The following ARB2A variants were observed in gnomAD, a reference collection of about 807,000 sequenced individuals.
The protein encoded by ARB2A is cotranscriptional regulator ARB2A.
At chr5:93,748,437 T>G in the ARB2A span, among the ~76,000 whole-genome samples, 1 of 151,984 alleles carries the variant, frequency 6.6e-6, no homozygotes, top group Non-Finnish European at 1.5e-5. Context: ...TGATAAGATA[T>G]GACTAGAATT....
At chr5:93,959,015 G>T in the ARB2A span, 2 of 1,266,600 alleles carry the variant, frequency 1.6e-6, no homozygotes, top group African/African-American at 1.5e-5. Context: ...TTCTGATCAG[G>T]CATACACATA....
the ARB2A span, among the ~76,000 whole-genome samples, chr5:94,037,451 CAAT>C: frequency 2.0e-5 from 3 of 152,038 alleles, no homozygotes. Context: ...ATTATAACAG[CAAT>C]AATAAATTAA....
chr5:93,844,397 TG>T, the ARB2A span, among the ~76,000 whole-genome samples: 3 of 151,814 alleles, frequency 2.0e-5, no homozygotes. Context: ...TGAGCTGAGA[TG>T]GGACCACTGC....
the ARB2A span, among the ~76,000 whole-genome samples, chr5:94,019,982 C>T: frequency 6.6e-6 from 1 of 152,154 alleles, no homozygotes; most frequent in Non-Finnish European, 1.5e-5. Flanking sequence ...TATTGCAGCA[C>T]TGTTCACAAT....
chr5:94,029,378 A>G, the ARB2A span, among the ~76,000 whole-genome samples: 1 of 152,162 alleles, frequency 6.6e-6, no homozygotes, highest in Non-Finnish European at 1.5e-5. Flanking sequence ...ATTTTTAATG[A>G]CATTTATGTT....
chr5:93,771,366 A>C, the ARB2A span, among the ~76,000 whole-genome samples: 2 of 151,754 alleles, frequency 1.3e-5, no homozygotes, highest in Admixed American at 6.6e-5. Flanking sequence ...AAGAAAACCT[A>C]GGCAATACCA....
the ARB2A span, among the ~76,000 whole-genome samples, chr5:93,837,360 AC>A: frequency 1.7e-3 from 255 of 152,286 alleles, no homozygotes; most frequent in Non-Finnish European, 2.7e-3. Context: ...TCTGCAGTCT[AC>A]CACTGATGAG....
chr5:94,062,654 G>T, the ARB2A span, among the ~76,000 whole-genome samples: 9 of 152,116 alleles, frequency 5.9e-5, no homozygotes, highest in Non-Finnish European at 1.2e-4. Flanking sequence ...CTCTAGAGAA[G>T]GAGCTCATGC....
chr5:93,813,124 G>A, the ARB2A span, among the ~76,000 whole-genome samples: 10 of 152,250 alleles, frequency 6.6e-5, no homozygotes, highest in East Asian at 9.7e-4. Context: ...AATAAATGTT[G>A]TTTAAGCCAC....
At chr5:93,748,895 A>G in the ARB2A span, among the ~76,000 whole-genome samples, 1 of 152,156 alleles carries the variant, frequency 6.6e-6, no homozygotes, top group Non-Finnish European at 1.5e-5. Context: ...TCTTTTCATC[A>G]TATCACTTAT....
chr5:94,106,477 A>C, the ARB2A span, among the ~76,000 whole-genome samples: 2 of 152,148 alleles, frequency 1.3e-5, no homozygotes, highest in Non-Finnish European at 2.9e-5. Context: ...AAAAAATAAC[A>C]GCTGCTGATG....
the ARB2A span, among the ~76,000 whole-genome samples, chr5:93,634,079 T>C: frequency 1.3e-5 from 2 of 152,102 alleles, no homozygotes; most frequent in Non-Finnish European, 2.9e-5. Flanking sequence ...CTACCTTATA[T>C]TGAAGTGTAT....
chr5:93,875,351 C>T, the ARB2A span, among the ~76,000 whole-genome samples: 1 of 152,066 alleles, frequency 6.6e-6, no homozygotes, highest in Non-Finnish European at 1.5e-5. Context: ...CCTGCCTCAT[C>T]CTCCCAAGTA....
the ARB2A span, chr5:93,784,530 C>T: frequency 6.4e-7 from 1 of 1,563,628 alleles, no homozygotes; most frequent in South Asian, 1.1e-5. Context: ...AAAATATTGG[C>T]TATAATTGTT....
At chr5:94,070,190 T>C in the ARB2A span, among the ~76,000 whole-genome samples, 5 of 152,170 alleles carry the variant, frequency 3.3e-5, no homozygotes, top group Non-Finnish European at 5.9e-5. Flanking sequence ...GCAAGATGGA[T>C]GGAACTGGAA....
At chr5:94,071,035 C>A in the ARB2A span, among the ~76,000 whole-genome samples, 3 of 151,990 alleles carry the variant, frequency 2.0e-5, no homozygotes, top group African/African-American at 7.2e-5. Context: ...AGTCCTCCCC[C>A]TAGGTATCAA....
At chr5:94,034,315 G>A in the ARB2A span, among the ~76,000 whole-genome samples, 3 of 152,246 alleles carry the variant, frequency 2.0e-5, no homozygotes, top group Middle Eastern at 3.4e-3. Context: ...GCAGGAAATG[G>A]AAATTTTTGA....
chr5:93,803,975 T>C, the ARB2A span, among the ~76,000 whole-genome samples: 8 of 152,078 alleles, frequency 5.3e-5, no homozygotes, highest in African/African-American at 1.9e-4. Context: ...TTATTATTCC[T>C]ACAAGGTCAA....
chr5:93,863,842 T>C, the ARB2A span: 22 of 152,244 alleles, frequency 1.4e-4, no homozygotes, highest in African/African-American at 5.3e-4. Flanking sequence ...TATTTTTAAA[T>C]ATTTTCTTTA....
Sources: allele counts gnomAD v4.1 joint callset (sites outside exome capture counted in the v4.1 genomes callset), GRCh38; gene constraint gnomAD v4.1.1; transcripts MANE v1.5; gene names NCBI Gene and HGNC (gene_info 2026-07-23, HGNC 2026-07-21).